CREB5: variants seen among roughly 807,000 people sequenced by gnomAD.
The protein encoded by CREB5 is cyclic AMP-responsive element-binding protein 5.
CREB5 carries 19 observed loss-of-function variants against 57.1 expected under a neutral mutation model. That is an observed-to-expected ratio of 0.33 (90% CI 0.23 to 0.49). The LOEUF (loss-of-function observed/expected upper bound fraction) is 0.49. Among genes scored for constraint, CREB5 ranks in the 20% least tolerant of loss-of-function variants. CREB5 has a pLI of 0.99. For missense variants in CREB5, 579 were observed against 671.6 expected (o/e 0.86, Z 1.52); for synonymous variants, 238 against 238.3 (o/e 1.00, Z 0.01).
chr7:28,470,108 ATTAAG>A (rs1415113551), intron 1 of CREB5, among the ~76,000 whole-genome samples: 1 of 152,192 alleles, frequency 6.6e-6, no homozygotes, highest in African/African-American at 2.4e-5. Context: ...AAAATGTACA[ATTAAG>A]TTATTATTGA....
intron 5 of CREB5, among the ~76,000 whole-genome samples, chr7:28,665,027 C>T (rs180883077): frequency 1.3e-5 from 2 of 152,068 alleles, no homozygotes; most frequent in African/African-American, 4.8e-5. Flanking sequence ...CAGTTGTGAG[C>T]CAAGTGGTTA....
chr7:28,568,241 C>A (rs571980388), intron 4 of CREB5, among the ~76,000 whole-genome samples: 1 of 151,988 alleles, frequency 6.6e-6, no homozygotes. Flanking sequence ...TTTTTCTTTG[C>A]GAATTTAAAG....
intron 5 of CREB5, among the ~76,000 whole-genome samples, chr7:28,645,921 A>G (rs1433055154): frequency 6.6e-6 from 1 of 152,208 alleles, no homozygotes; most frequent in Non-Finnish European, 1.5e-5. Context: ...TGGAATGGAA[A>G]GACAGGGGAA....
At chr7:28,315,054 T>C (rs889623144) in intron 1 of CREB5, among the ~76,000 whole-genome samples, 5 of 152,220 alleles carry the variant, frequency 3.3e-5, no homozygotes, top group African/African-American at 1.2e-4. Context: ...CAGTAGGAGA[T>C]AAGGGTATCT....
intron 1 of CREB5, among the ~76,000 whole-genome samples, chr7:28,326,474 C>T (rs1165545094): frequency 6.6e-6 from 1 of 152,186 alleles, no homozygotes; most frequent in African/African-American, 2.4e-5. Flanking sequence ...GCTTCCAGCC[C>T]CACTGCTGTT....
At chr7:28,656,130 A>G (rs1342695938) in intron 5 of CREB5, among the ~76,000 whole-genome samples, 2 of 152,244 alleles carry the variant, frequency 1.3e-5, no homozygotes, top group Non-Finnish European at 2.9e-5. Flanking sequence ...CTTTACCCCT[A>G]TGTGGACTGG....
At chr7:28,782,697 C>T (rs1274100761) in intron 7 of CREB5, among the ~76,000 whole-genome samples, 7 of 152,046 alleles carry the variant, frequency 4.6e-5, no homozygotes, top group Non-Finnish European at 7.4e-5. Context: ...TCAAAAAGAG[C>T]TAACATTAAG....
chr7:28,548,105 A>G (rs1394643992), intron 4 of CREB5, among the ~76,000 whole-genome samples: 3 of 152,196 alleles, frequency 2.0e-5, no homozygotes, highest in African/African-American at 7.2e-5. Flanking sequence ...GTGACCAGGT[A>G]GGCTTTTCAT....
chr7:28,535,076 G>A lies in CREB5; in HGVS notation c.291+27339G>A, dbSNP rs1358052229. Among the ~76,000 whole-genome samples the A allele has an allele frequency of 6.4e-4, 91 of 141,860 alleles. 10 individuals carry two copies. The highest frequency in any genetic ancestry group is 2.3e-3 in the African/African-American group (88 of 38,614). The allele number at this position is 141,860 out of a possible 152,430, so 93.1% of individuals were successfully genotyped here. On this transcript the variant is annotated intron_variant, in intron 4 of 10. Coordinates refer to ENST00000357727, the MANE Select transcript of CREB5 (RefSeq NM_182898.4). Reference sequence around the variant, plus strand: ...TGCTGGTCCTGGTGAATTAGGCAATGGGATATTGTGGCCCCTTTGCTGTCC... The same window carrying A: ...TGCTGGTCCTGGTGAATTAGGCAATAGGATATTGTGGCCCCTTTGCTGTCC...
intron 1 of CREB5, among the ~76,000 whole-genome samples, chr7:28,374,696 AGT>A (rs1203293642): frequency 2.0e-5 from 3 of 152,104 alleles, no homozygotes; most frequent in African/African-American, 7.2e-5. Flanking sequence ...TGGGGGTGTG[AGT>A]GGGTGTTCGC....
intron 1 of CREB5, among the ~76,000 whole-genome samples, chr7:28,396,326 A>G (rs1442129494): frequency 6.6e-6 from 1 of 152,156 alleles, no homozygotes. Flanking sequence ...TTTTGGATGC[A>G]AGGCAGATAT....
chr7:28,433,568 C>T (rs1788817436), intron 1 of CREB5, among the ~76,000 whole-genome samples: 1 of 152,100 alleles, frequency 6.6e-6, no homozygotes, highest in Non-Finnish European at 1.5e-5. Context: ...AACTCCTGGG[C>T]TCAAGGGATC....
chr7:28,662,798 T>A (rs994565693), intron 5 of CREB5, among the ~76,000 whole-genome samples: 1 of 152,132 alleles, frequency 6.6e-6, no homozygotes, highest in Non-Finnish European at 1.5e-5. Flanking sequence ...TCAGCTTTAC[T>A]ATTTAGTACT....
At chr7:28,524,476 C>T (rs928223176) in intron 4 of CREB5, among the ~76,000 whole-genome samples, 2 of 151,864 alleles carry the variant, frequency 1.3e-5, no homozygotes, top group African/African-American at 2.4e-5. Flanking sequence ...CACTCCAGCC[C>T]GGGTGACAGA....
At chr7:28,527,328 C>T (rs145215034) in intron 4 of CREB5, among the ~76,000 whole-genome samples, 1 of 152,302 alleles carries the variant, frequency 6.6e-6, no homozygotes, top group East Asian at 1.9e-4. Flanking sequence ...CAGTGCTTAC[C>T]AAATGCCTTC....
intron 1 of CREB5, among the ~76,000 whole-genome samples, chr7:28,374,960 A>T (rs552809972): frequency 1.3e-5 from 2 of 152,170 alleles, no homozygotes; most frequent in Non-Finnish European, 2.9e-5. Context: ...TTCTTCCCTC[A>T]TTGACATCTA....
chr7:28,501,206 T>C lies in CREB5; in HGVS notation c.169+6207T>C, dbSNP rs115553057. ...AACACATTTTGGTCTCAGTTGTATGTTTGGATATAAATCTCTGAACTACTT... is the reference window on the plus strand; with the variant it reads ...AACACATTTTGGTCTCAGTTGTATGCTTGGATATAAATCTCTGAACTACTT... On this transcript the variant is annotated intron_variant, in intron 3 of 10. Transcript: ENST00000357727. Among the ~76,000 whole-genome samples the C allele has an allele frequency of 4.9e-3, 745 of 152,320 alleles. 7 individuals are homozygous for C. Among genetic ancestry groups the C allele is most frequent in the African/African-American group, 0.016 (680 of 41,578 alleles).
At chr7:28,350,312 C>A (rs1017483307) in intron 1 of CREB5, among the ~76,000 whole-genome samples, 1 of 152,196 alleles carries the variant, frequency 6.6e-6, no homozygotes, top group Non-Finnish European at 1.5e-5. Flanking sequence ...GGGGAAGCTA[C>A]CTCAGTAGAG....
intron 1 of CREB5, among the ~76,000 whole-genome samples, chr7:28,316,732 C>T (rs931358401): frequency 6.6e-6 from 1 of 152,124 alleles, no homozygotes; most frequent in Non-Finnish European, 1.5e-5. Flanking sequence ...GAAAATTCTA[C>T]TGCTTAGTAC....
Sources: gnomAD v4.1 joint callset for allele counts (sites outside exome capture counted in the v4.1 genomes callset) on GRCh38, gnomAD v4.1.1 for gene constraint, MANE v1.5 for transcripts, NCBI Gene and HGNC (gene_info 2026-07-23, HGNC 2026-07-21) for gene names.